The following ROGDI variants were observed in gnomAD, a reference collection of about 807,000 sequenced individuals.
The protein encoded by ROGDI is protein rogdi homolog.
Under a neutral mutation model 43.1 loss-of-function variants are expected in ROGDI, and 46 were observed. The observed-to-expected ratio is 1.07, with a 90% confidence interval of 0.84 to 1.37. The LOEUF (loss-of-function observed/expected upper bound fraction) is 1.37. Ranked by LOEUF, ROGDI falls within the 40% of genes most tolerant of loss-of-function variation. ROGDI has a pLI of 0.00. For missense variants in ROGDI, 518 were observed against 383.9 expected (o/e 1.35, Z -2.92); for synonymous variants, 243 against 162.0 (o/e 1.50, Z -3.80).
intron 6 of ROGDI, 83 bp from the exon 7 acceptor site, chr16:4,798,750 C>T (rs1200589601): frequency 4.3e-6 from 5 of 1,164,632 alleles, no homozygotes; most frequent in Non-Finnish European, 6.1e-6. Flanking sequence ...CTCCCACTCC[C>T]ACCCAGCCCA....
Position 4,798,129 on chromosome 16 carries a change from A to G in ROGDI, c.587T>C (p.Leu196Pro), listed in dbSNP as rs2082676832. The part of the protein sequence containing the change: ...SDLLVNVYIN[L>P]NKLCLTVYQL... ...GTACACCGTGAGGCAGAGCTTGTTG[A>G]GGTTGATGTAGACGTTGACCAGCAG... The change falls in exon 8 of 11, where the codon CTC becomes CCC. Residue 196 changes from leucine to proline, a missense_variant. Leu to Pro is a moderately conservative substitution (Grantham distance 98). Coordinates refer to ENST00000322048, the MANE Select transcript of ROGDI (RefSeq NM_024589.3). 3 of 1,613,964 alleles carry G rather than the reference A, an allele frequency of 1.9e-6. No homozygotes were observed. The highest frequency in any genetic ancestry group is 8.5e-7 in the Non-Finnish European group (1 of 1,179,928).
At chr16:4,799,375 C>G (rs1443381211) in intron 6 of ROGDI, among the ~76,000 whole-genome samples, 1 of 152,106 alleles carries the variant, frequency 6.6e-6, no homozygotes, top group African/African-American at 2.4e-5. Context: ...GGGCAGAACT[C>G]AAGCATGAGG....
Position 4,799,692 on chromosome 16 carries a change from G to T in ROGDI, c.426C>A (p.Val142=). ...QSYQFKTGAE[V]LKLMDAVMLQ... ...AGGCCCGGGGGCAGCTCACCTTGAG[G>T]ACCTCAGCGCCCGTCTTGAACTGGT... Residue 142 remains valine (V), a synonymous_variant, in exon 6 of 11, where the codon GTC becomes GTA. Coordinates refer to ENST00000322048, the MANE Select transcript of ROGDI (RefSeq NM_024589.3). 1.2e-6 allele frequency: 2 copies of T among 1,612,380 alleles called. No homozygotes were observed. Among genetic ancestry groups the T allele is most frequent in the South Asian group, 1.1e-5 (1 of 90,842 alleles).
chr16:4,799,722 C>G lies in ROGDI; in HGVS notation c.396G>C (p.Gln132His), dbSNP rs763789297. The G allele has an allele frequency of 7.4e-6, 12 of 1,613,716 alleles. No homozygotes were observed. Among genetic ancestry groups the G allele is most frequent in the Non-Finnish European group, 9.3e-6 (11 of 1,179,794 alleles). ...CAGCGCCCGTCTTGAACTGGTAGCT[C>G]TGGTCCCGGCTGGTAAGCAGGTAAA... The part of the protein sequence containing the change: ...QAIYLLTSRD[Q>H]SYQFKTGAEV... The change falls in exon 6 of 11, where the codon CAG becomes CAC. Residue 132 changes from glutamine (Q) to histidine (H), a missense_variant. By Grantham distance (24) the Gln-to-His change is conservative. Coordinates refer to ENST00000322048, the MANE Select transcript of ROGDI (RefSeq NM_024589.3).
At chr16:4,798,281 C>T (rs965278804) in intron 7 of ROGDI, 97 bp from the exon 8 acceptor site, 3 of 995,622 alleles carry the variant, frequency 3.0e-6, no homozygotes, top group South Asian at 1.4e-5. Flanking sequence ...CAGGGGATCC[C>T]AGTCCCCACC....
intron 6 of ROGDI, 38 bp downstream of exon 6, chr16:4,799,648 G>A: frequency 1.3e-6 from 2 of 1,499,316 alleles, no homozygotes; most frequent in South Asian, 1.2e-5. Context: ...TCAAGAACGT[G>A]GGACTAGGCC....
At position 4,797,732 on chromosome 16, in the gene ROGDI, G is replaced by T. The variant is rs781383795; in HGVS notation, c.804C>A (p.Cys268Ter). Residue 268 changes from cysteine (C) to a stop codon, truncating the protein, a stop_gained, in exon 10 of 11, where the codon TGC becomes TGA. Coordinates refer to ENST00000322048, the MANE Select transcript of ROGDI (RefSeq NM_024589.3). LOFTEE classifies it high-confidence loss of function. ...LVYFTVSLQL[C>*]QQLKDKISVF... ...GGCCCACCTTGTCCTTGAGCTGCTG[G>T]CAGAGCTGCAGGGAGACGGTGAAGT... The T allele has an allele frequency of 3.1e-6, 5 of 1,613,944 alleles. No homozygotes were observed.
At chr16:4,802,193 C>A in intron 2 of ROGDI, 189 bp downstream of exon 2, 1 of 662,122 alleles carries the variant, frequency 1.5e-6, no homozygotes. Flanking sequence ...CGTCGGGACC[C>A]GCCCCTGCCC....
chr16:4,797,770 C>A lies in ROGDI; in HGVS notation c.766G>T (p.Asp256Tyr). ...GAGACGGTGAAGTAGACCAGGGCGT[C>A]GTTGAGCCAGGGGATCACGCACTCC... Reference protein sequence around the residue: ...KVECVIPWLNDALVYFTVSLQ... With the variant: ...KVECVIPWLNYALVYFTVSLQ... The change falls in exon 10 of 11, where the codon GAC (aspartate) becomes TAC (tyrosine). Residue 256 changes from aspartate to tyrosine, a missense_variant. By Grantham distance (160) the Asp-to-Tyr change is radical. Coordinates refer to ENST00000322048, the MANE Select transcript of ROGDI (RefSeq NM_024589.3). 1.9e-6 allele frequency: 3 copies of A among 1,613,754 alleles called. No homozygotes were observed. Among genetic ancestry groups the A allele is most frequent in the Non-Finnish European group, 2.5e-6 (3 of 1,179,980 alleles).
intron 1 of ROGDI, 35 bp downstream of exon 1, chr16:4,802,492 C>A: frequency 5.8e-6 from 7 of 1,210,842 alleles, no homozygotes; most frequent in Non-Finnish European, 6.1e-6. Flanking sequence ...GGCCCCGCCG[C>A]CCCGCCGGCC....
intron 5 of ROGDI, 54 bp downstream of exon 5, chr16:4,800,444 G>C: frequency 7.0e-7 from 1 of 1,425,964 alleles, no homozygotes. Context: ...CCCGCGGCAG[G>C]CCTGCTGCCG....
intron 3 of ROGDI, 24 bp downstream of exon 3, chr16:4,801,479 G>A (rs1388996898): frequency 7.5e-6 from 12 of 1,591,554 alleles, no homozygotes; most frequent in Admixed American, 1.8e-5. Context: ...CCATTTCCCC[G>A]GTTTCCGCCT....
intron 2 of ROGDI, 176 bp downstream of exon 2, chr16:4,802,206 A>C: frequency 1.5e-6 from 1 of 671,944 alleles, no homozygotes; most frequent in Non-Finnish European, 2.6e-6. Flanking sequence ...CCCTGCCCGC[A>C]CACAGGTACT....
chr16:4,801,486 G>A lies in ROGDI; in HGVS notation c.200+17C>T. On this transcript the variant is annotated intron_variant, in intron 3 of 10. Coordinates refer to ENST00000322048, the MANE Select transcript of ROGDI (RefSeq NM_024589.3). ...CAAGGTACCCATTTCCCCGGTTTCCGCCTAGCCCAGGCTCACCCACAGCTG... is the reference window on the plus strand; with the variant it reads ...CAAGGTACCCATTTCCCCGGTTTCCACCTAGCCCAGGCTCACCCACAGCTG... 2 of 1,595,442 alleles carry A rather than the reference G, an allele frequency of 1.3e-6. No homozygotes were observed. Among genetic ancestry groups the A allele is most frequent in the Non-Finnish European group, 1.7e-6 (2 of 1,170,550 alleles).
At chr16:4,802,131 C>T (rs867689215) in intron 2 of ROGDI, 1 of 652,916 alleles carries the variant, frequency 1.5e-6, no homozygotes, top group Non-Finnish European at 2.8e-6. Context: ...GCTCCCAAGG[C>T]GGCCTTCCCC....
intron 4 of ROGDI, chr16:4,800,915 C>A (rs1033391200): frequency 8.0e-6 from 4 of 500,196 alleles, no homozygotes; most frequent in Admixed American, 3.7e-5. Context: ...GGAGGGGGGC[C>A]TCCCCCCACG....
Position 4,797,314 on chromosome 16 carries a change from C to T in ROGDI, c.*146G>A. 1.4e-6 allele frequency: 1 copy of T among 719,766 alleles called. No homozygotes were observed. The highest frequency in any genetic ancestry group is 1.9e-5 in the South Asian group (1 of 52,716). The allele number at this position is 719,766 out of a possible 1,614,324, so 44.6% of individuals were successfully genotyped here. A position where few individuals can be genotyped will look rare whatever the true frequency, so the allele number is the denominator to read the frequency against. ...CCTCCTGGCACTTCCAGTGTCCATT[C>T]CCGGCAGTGCAAATGTGTTAGGTGG... is the stretch of plus-strand genomic sequence containing the variant. On this transcript the variant is annotated 3_prime_UTR_variant, in exon 11 of 11. Transcript: ENST00000322048.
chr16:4,802,286 T>TAGGCGCTC (rs1166368623), intron 2 of ROGDI, 96 bp downstream of exon 2: 3 of 1,150,756 alleles, frequency 2.6e-6, no homozygotes, highest in Non-Finnish European at 3.7e-6. Context: ...CCGCACACTG[T>TAGGCGCTC]AGGCGCTCAG....
intron 4 of ROGDI, 158 bp from the exon 5 acceptor site, chr16:4,800,736 G>A (rs1278816420): frequency 9.8e-6 from 6 of 612,184 alleles, no homozygotes; most frequent in East Asian, 2.9e-5. Flanking sequence ...GCCGTTTGGG[G>A]GTTGAACAGG....
Sources: allele counts gnomAD v4.1 joint callset (sites outside exome capture counted in the v4.1 genomes callset), GRCh38; gene constraint gnomAD v4.1.1; transcripts MANE v1.5; gene names NCBI Gene and HGNC (gene_info 2026-07-23, HGNC 2026-07-21).